The following SPDYA variants were observed in gnomAD, a reference collection of about 807,000 sequenced individuals.
SPDYA encodes the protein speedy/RINGO cell cycle regulator family member A.
In SPDYA, 11 loss-of-function variants were observed where a neutral mutation model predicts 36.7. That is an observed-to-expected ratio of 0.30 (90% CI 0.19 to 0.50). SPDYA has a LOEUF of 0.50. SPDYA is among the 20% of genes least tolerant of loss of function. SPDYA has a pLI of 0.98. For missense variants in SPDYA, 287 were observed against 370.9 expected (o/e 0.77, Z 1.86); for synonymous variants, 115 against 118.7 (o/e 0.97, Z 0.20).
chr2:28,825,017 C>T (rs1668283533), intron 5 of SPDYA, among the ~76,000 whole-genome samples: 1 of 152,032 alleles, frequency 6.6e-6, no homozygotes, highest in Non-Finnish European at 1.5e-5. Flanking sequence ...ATTTAATTTT[C>T]CCTATGAAAT....
At chr2:28,824,549 C>CTTTTTTT (rs1668269803) in intron 5 of SPDYA, among the ~76,000 whole-genome samples, 6 of 137,988 alleles carry the variant, frequency 4.3e-5, no homozygotes, top group Non-Finnish European at 7.9e-5. Context: ...TCTTTTCTTT[C>CTTTTTTT]TTTCTTTTTT....
chr2:28,812,171 C>T (rs894226269), intron 1 of SPDYA, among the ~76,000 whole-genome samples: 2 of 151,964 alleles, frequency 1.3e-5, no homozygotes, highest in Non-Finnish European at 2.9e-5. Context: ...AAAATAATAC[C>T]TACCACACAG....
intron 6 of SPDYA, among the ~76,000 whole-genome samples, chr2:28,829,946 AAAAAAAAAAAAAAG>A (rs1390780752): frequency 1.1e-5 from 1 of 92,714 alleles, no homozygotes; most frequent in Non-Finnish European, 2.1e-5. Context: ...TCCATCTCAA[AAAAAAAAAAAAAAG>A]AAAAGAAAAG....
At chr2:28,830,975 T>G (rs913473808) in intron 6 of SPDYA, among the ~76,000 whole-genome samples, 19 of 152,200 alleles carry the variant, frequency 1.2e-4, no homozygotes, top group Non-Finnish European at 2.5e-4. Flanking sequence ...AATCTTAAGA[T>G]TTGATAGAAT....
At chr2:28,834,281 A>G (rs1668540709) in intron 6 of SPDYA, among the ~76,000 whole-genome samples, 1 of 152,210 alleles carries the variant, frequency 6.6e-6, no homozygotes, top group African/African-American at 2.4e-5. Flanking sequence ...GAAATGTAAA[A>G]TGGGGAAGTT....
chr2:28,839,394 C>G (rs567088085), intron 6 of SPDYA, among the ~76,000 whole-genome samples: 126 of 152,232 alleles, frequency 8.3e-4, no homozygotes, highest in African/African-American at 2.9e-3. Flanking sequence ...TGAGGAACAG[C>G]GAGGTTAAAT....
rs750259782 is a variant in SPDYA at position 28,840,436 on chromosome 2, G to C, written c.817G>C (p.Gly273Arg). Residue 273 changes from glycine to arginine, a missense_variant, in exon 7 of 8, where the codon GGT (glycine) becomes CGT (arginine). Gly to Arg is a moderately radical substitution (Grantham distance 125, BLOSUM62 -2). Transcript: ENST00000334056. ...SYNSLSMDII[G>R]DPSQAYTGSE... is the part of the protein sequence containing the mutation. Reference sequence around the variant, plus strand: ...CAACTCACTGTCAATGGACATAATAGGTGATCCTTCTCAAGCTTATACTGG... The same window carrying C: ...CAACTCACTGTCAATGGACATAATACGTGATCCTTCTCAAGCTTATACTGG... The C allele has an allele frequency of 6.2e-7, 1 of 1,613,954 alleles. No homozygotes were observed. Among genetic ancestry groups the C allele is most frequent in the South Asian group, 1.1e-5 (1 of 91,034 alleles).
intron 2 of SPDYA, 38 bp from the exon 3 acceptor site, chr2:28,815,959 A>G: frequency 7.5e-7 from 1 of 1,332,092 alleles, no homozygotes; most frequent in Non-Finnish European, 1.1e-6. Flanking sequence ...TATGAAATGA[A>G]TGTGTGTGAT....
intron 7 of SPDYA, among the ~76,000 whole-genome samples, chr2:28,841,107 G>C (rs1184147340): frequency 6.6e-6 from 1 of 151,600 alleles, no homozygotes; most frequent in Non-Finnish European, 1.5e-5. Context: ...GATAGTTTTT[G>C]TGTTTTTAGT....
chr2:28,812,530 AT>A (rs1369239642), intron 1 of SPDYA, among the ~76,000 whole-genome samples: 2 of 151,950 alleles, frequency 1.3e-5, no homozygotes, highest in Non-Finnish European at 2.9e-5. Flanking sequence ...TCCTGGTATG[AT>A]TTTTTTAATG....
In SPDYA at chr2:28,829,191, T is replaced by C. The variant is rs778360515; in HGVS notation, c.424T>C (p.Tyr142His). 1 of 1,613,912 alleles carries C rather than the reference T, an allele frequency of 6.2e-7. No individual in the cohort carries two copies. Among genetic ancestry groups the C allele is most frequent in the Non-Finnish European group, 8.5e-7 (1 of 1,179,964 alleles). Residue 142 changes from tyrosine (Y) to histidine (H), a missense_variant, in exon 6 of 8, where the codon TAC becomes CAC. Physicochemically the swap from Tyr to His is moderately conservative, Grantham distance 83. Transcript: ENST00000334056. ...TGAAGAAGATGAAGAAGAAACCAAG[T>C]ACGAAATTTTTCCATGGGCTTTAGG... ...TVEEDEEETK[Y>H]EIFPWALGKN...
chr2:28,814,181 T>G (rs1239505183), intron 1 of SPDYA, among the ~76,000 whole-genome samples: 1 of 152,228 alleles, frequency 6.6e-6, no homozygotes, highest in Non-Finnish European at 1.5e-5. Context: ...TATTAAACAC[T>G]TGAAACTGAA....
chr2:28,824,824 C>G (rs1461322448), intron 5 of SPDYA, among the ~76,000 whole-genome samples: 1 of 152,094 alleles, frequency 6.6e-6, no homozygotes, highest in African/African-American at 2.4e-5. Context: ...GCTAGGATTA[C>G]AGGCGTGAGC....
At chr2:28,836,105 C>A (rs971908463) in intron 6 of SPDYA, among the ~76,000 whole-genome samples, 4 of 152,210 alleles carry the variant, frequency 2.6e-5, no homozygotes, top group Non-Finnish European at 4.4e-5. Context: ...CAGTGCTTTA[C>A]AAATTATGAC....
chr2:28,835,910 T>C (rs1204770453), intron 6 of SPDYA, among the ~76,000 whole-genome samples: 1 of 152,222 alleles, frequency 6.6e-6, no homozygotes, highest in African/African-American at 2.4e-5. Context: ...AAGTATTATA[T>C]CACCCCATTC....
chr2:28,815,444 C>T (rs1667961021), intron 2 of SPDYA, among the ~76,000 whole-genome samples: 1 of 151,512 alleles, frequency 6.6e-6, no homozygotes, highest in Non-Finnish European at 1.5e-5. Context: ...CAATAAATAC[C>T]AATAAATGCT....
chr2:28,820,895 T>C (rs947223492), intron 4 of SPDYA, among the ~76,000 whole-genome samples: 1 of 152,152 alleles, frequency 6.6e-6, no homozygotes, highest in African/African-American at 2.4e-5. Flanking sequence ...ATTTAAAACA[T>C]ACACAATTTG....
intron 6 of SPDYA, among the ~76,000 whole-genome samples, chr2:28,830,618 A>T (rs1668458584): frequency 6.6e-6 from 1 of 152,198 alleles, no homozygotes; most frequent in Admixed American, 6.5e-5. Flanking sequence ...ATAACACTGG[A>T]GTTGAATAAT....
At chr2:28,847,311 C>T (rs113334068) in intron 7 of SPDYA, among the ~76,000 whole-genome samples, 1 of 152,060 alleles carries the variant, frequency 6.6e-6, no homozygotes, top group Non-Finnish European at 1.5e-5. Context: ...CCATTGCACT[C>T]CAGTCTGGGC....
Sources: gnomAD v4.1 joint callset for allele counts (sites outside exome capture counted in the v4.1 genomes callset) on GRCh38, gnomAD v4.1.1 for gene constraint, MANE v1.5 for transcripts, NCBI Gene and HGNC (gene_info 2026-07-23, HGNC 2026-07-21) for gene names.